The following ZNF682 variants were observed in gnomAD, a reference collection of about 807,000 sequenced individuals.
The protein encoded by ZNF682 is zinc finger protein 682.
In ZNF682, 29 loss-of-function variants were observed where a neutral mutation model predicts 36.5. That is an observed-to-expected ratio of 0.80 (90% CI 0.59 to 1.08). ZNF682 has a LOEUF of 1.08. Ranked by LOEUF, ZNF682 falls within the 50% of genes least tolerant of loss-of-function variation. ZNF682 has a pLI of 0.00. For synonymous variants in ZNF682, 180 were observed against 197.0 expected (o/e 0.91, Z 0.72); for missense variants, 561 against 579.7 (o/e 0.97, Z 0.33).
In ZNF682 at chr19:20,032,759, T is replaced by C. The variant is rs186823595; in HGVS notation, c.3+6584A>G. 1.5e-4 allele frequency among the ~76,000 whole-genome samples: 23 copies of C among 152,326 alleles called. No homozygotes were observed. In the East Asian group the frequency reaches 3.9e-3, roughly 26 times the overall value. ...GCAATTTGCTAAGAGATTGCAAAGA[T>C]AGAAAGAAGGTTGTCATAATTAGTC... On this transcript the variant is annotated intron_variant, in intron 1 of 3. Transcript: ENST00000397165.
chr19:20,006,271 T>C lies in ZNF682; in HGVS notation c.1231A>G (p.Ile411Val), dbSNP rs761895895. The change falls in exon 4 of 4, where the codon ATC (isoleucine) becomes GTC (valine). Residue 411 changes from isoleucine (I) to valine (V), a missense_variant. Physicochemically the swap from Ile to Val is conservative, Grantham distance 29. Transcript: ENST00000397165. ...TGAATTCTCTTATGTTCAGTAAGGA[T>C]TGAGGACCAGTTAAAAGCTTTGCCA... ...ECGKAFNWSS[I>V]LTEHKRIHTG... 21 of 1,613,272 alleles carry C rather than the reference T, an allele frequency of 1.3e-5. No individual in the cohort carries two copies. The highest frequency in any genetic ancestry group is 1.7e-5 in the Non-Finnish European group (20 of 1,179,902).
chr19:20,002,696 G>C (rs2122287703), downstream of ZNF682, among the ~76,000 whole-genome samples: 1 of 152,192 alleles, frequency 6.6e-6, no homozygotes, highest in South Asian at 2.1e-4. Flanking sequence ...CACTAATTAT[G>C]GAGTGTGTAT....
intron 1 of ZNF682, among the ~76,000 whole-genome samples, chr19:20,035,213 C>T (rs1270341220): frequency 6.6e-6 from 1 of 152,036 alleles, no homozygotes; most frequent in Non-Finnish European, 1.5e-5. Context: ...TCTATTGTAA[C>T]AATTTGTTAC....
At chr19:20,010,632 G>A (rs993366476) in intron 3 of ZNF682, among the ~76,000 whole-genome samples, 2 of 151,780 alleles carry the variant, frequency 1.3e-5, no homozygotes, top group African/African-American at 2.4e-5. Flanking sequence ...ACTCCAGCCC[G>A]GGTGACAGAT....
rs1270270417 is a variant in ZNF682 at position 20,005,397 on chromosome 19, C to T, written c.*608G>A. On this transcript the variant is annotated 3_prime_UTR_variant, in exon 4 of 4. Transcript: ENST00000397165. ...TGTTTTCTAAGGTGTACTTTTTAAA[C>T]AATTTTTTTCATATTCATTACAGTT... 1.3e-5 allele frequency: 2 copies of T among 152,238 alleles called. No individual in the cohort carries two copies. The highest frequency in any genetic ancestry group is 2.9e-5 in the Non-Finnish European group (2 of 68,148). 9.4% of individuals were successfully genotyped at this position (152,238 alleles called of 1,614,324 possible). A position where few individuals can be genotyped will look rare whatever the true frequency, so the allele number is the denominator to read the frequency against.
At chr19:20,031,706 G>A (rs1398551784) in intron 1 of ZNF682, among the ~76,000 whole-genome samples, 1 of 152,168 alleles carries the variant, frequency 6.6e-6, no homozygotes, top group Non-Finnish European at 1.5e-5. Context: ...ACTGTGGGAG[G>A]CCGAGGTGGG....
At chr19:20,034,833 A>C (rs2043810093) in intron 1 of ZNF682, among the ~76,000 whole-genome samples, 1 of 152,062 alleles carries the variant, frequency 6.6e-6, no homozygotes, top group Non-Finnish European at 1.5e-5. Context: ...CCGGTGGCTC[A>C]TGCCTGTAAT....
In ZNF682 at chr19:20,039,203, G is replaced by A; in HGVS notation, c.3+140C>T. On this transcript the variant is annotated intron_variant, in intron 1 of 3. Transcript: ENST00000397165. ...ATCCTGTGCCCGGAGGTGATCGACG[G>A]CCGAGCTGTGCCTGCCGGGGACTCC... is the stretch of plus-strand genomic sequence containing the variant. 12 of 1,436,984 alleles carry A rather than the reference G, an allele frequency of 8.4e-6. 1 individual carries two copies. The South Asian group carries it at 1.6e-4, about 19-fold the overall frequency. 89.0% of individuals were successfully genotyped at this position (1,436,984 alleles called of 1,614,324 possible). A position where few individuals can be genotyped will look rare whatever the true frequency, so the allele number is the denominator to read the frequency against.
chr19:20,006,484 G>T lies in ZNF682; in HGVS notation c.1018C>A (p.Pro340Thr). The T allele has an allele frequency of 6.2e-7, 1 of 1,614,006 alleles. No homozygotes were observed. The highest frequency in any genetic ancestry group is 8.5e-7 in the Non-Finnish European group (1 of 1,180,004). ...IHERTHTGEK[P>T]YKCEECGKAF... ...TTGCCACATTCTTCACATTTATAGG[G>T]TTTCTCTCCCGTATGGGTTCTCTCA... Residue 340 changes from proline to threonine, a missense_variant, in exon 4 of 4, where the codon CCC becomes ACC. By Grantham distance (38) the Pro-to-Thr change is conservative. Coordinates refer to ENST00000397165, the MANE Select transcript of ZNF682 (RefSeq NM_033196.3).
chr19:20,023,299 C>G (rs1012886384), intron 2 of ZNF682, among the ~76,000 whole-genome samples, 200 bp from the exon 3 acceptor site: 4 of 152,008 alleles, frequency 2.6e-5, no homozygotes, highest in African/African-American at 9.7e-5. Flanking sequence ...GAGATCGAGA[C>G]CATCCTGGCC....
chr19:20,024,663 C>A (rs1194022316), intron 1 of ZNF682, among the ~76,000 whole-genome samples: 1 of 152,076 alleles, frequency 6.6e-6, no homozygotes, highest in East Asian at 1.9e-4. Flanking sequence ...CATGGTGAAA[C>A]CCTGTCTCTA....
chr19:20,001,147 T>C (rs1599599078), downstream of ZNF682, among the ~76,000 whole-genome samples: 1 of 152,330 alleles, frequency 6.6e-6, no homozygotes, highest in Middle Eastern at 3.4e-3. Flanking sequence ...GTAGAAATAT[T>C]AGAGGAAAGG....
intron 3 of ZNF682, among the ~76,000 whole-genome samples, chr19:19,998,832 G>T (rs1227296743): frequency 6.6e-6 from 1 of 152,074 alleles, no homozygotes; most frequent in African/African-American, 2.4e-5. Flanking sequence ...TACAGAAATA[G>T]ATAATTAAAC....
chr19:20,009,856 A>T (rs774181707), intron 3 of ZNF682, among the ~76,000 whole-genome samples: 3 of 152,070 alleles, frequency 2.0e-5, no homozygotes, highest in African/African-American at 4.8e-5. Flanking sequence ...GCCTGCCTCT[A>T]TTAAATACAA....
At chr19:20,023,764 G>A (rs1322586153) in intron 2 of ZNF682, among the ~76,000 whole-genome samples, 2 of 150,848 alleles carry the variant, frequency 1.3e-5, no homozygotes, top group Admixed American at 1.3e-4. Flanking sequence ...GGTGGATCAC[G>A]TGAGGTCAGG....
chr19:20,001,799 A>T (rs2088169603), downstream of ZNF682, among the ~76,000 whole-genome samples: 1 of 152,186 alleles, frequency 6.6e-6, no homozygotes, highest in South Asian at 2.1e-4. Context: ...ACCTCTTCTT[A>T]TAAGAACCCA....
At chr19:19,997,156 G>A (rs1199410772) in exon 4 of ZNF682, 3 of 398,276 alleles carry the variant, frequency 7.5e-6, no homozygotes, top group African/African-American at 6.2e-5. Context: ...CACAGAGAAT[G>A]AGCAGGAGGA....
At chr19:20,013,890 T>G (rs991054254) in intron 3 of ZNF682, among the ~76,000 whole-genome samples, 2 of 152,164 alleles carry the variant, frequency 1.3e-5, no homozygotes, top group Non-Finnish European at 2.9e-5. Context: ...TAGCAAACTT[T>G]TAAAAATGGA....
Position 20,007,038 on chromosome 19 carries a change from C to T in ZNF682, c.464G>A (p.Ser155Asn). The change falls in exon 4 of 4, where the codon AGT becomes AAT. Residue 155 changes from serine to asparagine, a missense_variant. Transcript: ENST00000397165. ...TTCTCTATTTAGATTTGATGATTTA[C>T]TAAAGACTTTCACACATTTATTATA... Reference protein sequence around the residue: ...FPYNKCVKVFSKSSNLNRENI... With the variant: ...FPYNKCVKVFNKSSNLNRENI... 6.2e-7 allele frequency: 1 copy of T among 1,613,558 alleles called. No homozygotes were observed. Among genetic ancestry groups the T allele is most frequent in the South Asian group, 1.1e-5 (1 of 91,022 alleles).
Sources: allele counts gnomAD v4.1 joint callset (sites outside exome capture counted in the v4.1 genomes callset), GRCh38; gene constraint gnomAD v4.1.1; transcripts MANE v1.5; gene names NCBI Gene and HGNC (gene_info 2026-07-23, HGNC 2026-07-21).